The following CDH4 variants were observed in gnomAD, a reference collection of about 807,000 sequenced individuals.
CDH4 encodes the protein cadherin-4.
A neutral mutation model predicts 86.0 loss-of-function variants in CDH4; 33 were observed. That is an observed-to-expected ratio of 0.38 (90% confidence interval 0.29 to 0.51). CDH4 has a LOEUF of 0.51. CDH4 is among the 20% of genes least tolerant of loss of function. CDH4 has a pLI of 0.86. For missense variants in CDH4, 1,114 were observed against 1,307.4 expected, an observed-to-expected ratio of 0.85 and a Z score of 2.28; for synonymous variants, 555 against 549.4, an observed-to-expected ratio of 1.01 and a Z score of -0.14.
chr20:61,840,196 G>A (rs567647985), intron 4 of CDH4, among the ~76,000 whole-genome samples: 2 of 152,154 alleles, frequency 1.3e-5, no homozygotes, highest in South Asian at 4.1e-4. Flanking sequence ...AGACCTTCCC[G>A]ACCGTGCACG....
chr20:61,366,839 G>C (rs1254188342), intron 2 of CDH4, among the ~76,000 whole-genome samples: 1 of 152,246 alleles, frequency 6.6e-6, no homozygotes, highest in Non-Finnish European at 1.5e-5. Context: ...TGGCCAGTTT[G>C]GGGGCCAGTT....
intron 2 of CDH4, among the ~76,000 whole-genome samples, chr20:61,532,255 T>G (rs185653822): frequency 1.3e-5 from 2 of 152,360 alleles, no homozygotes; most frequent in Admixed American, 1.3e-4. Flanking sequence ...TTTTTCTCTC[T>G]GTCCCCTGCC....
At chr20:61,930,813 G>T (rs1198461367) in intron 13 of CDH4, among the ~76,000 whole-genome samples, 1 of 152,240 alleles carries the variant, frequency 6.6e-6, no homozygotes. Flanking sequence ...CACAGAGGTT[G>T]GGAGGTGTCT....
intron 2 of CDH4, among the ~76,000 whole-genome samples, chr20:61,592,809 C>A (rs577169784): frequency 1.1e-4 from 17 of 152,158 alleles, no homozygotes; most frequent in Admixed American, 3.3e-4. Context: ...GTTTTTATTG[C>A]AGAATCACTT....
rs529924250 is a variant in CDH4, at chr20:61,711,407, G to A, written c.170-32156G>A. On this transcript the variant is annotated intron_variant, in intron 2 of 15. Transcript: ENST00000614565. ...ACTAATACAGAAGGCTTGCAGGCTAGCCAAGTAGTTGGCAGGCCTGGCTCC... is the reference window on the plus strand; with the variant it reads ...ACTAATACAGAAGGCTTGCAGGCTAACCAAGTAGTTGGCAGGCCTGGCTCC... Among the ~76,000 whole-genome samples the A allele has an allele frequency of 3.0e-3, 453 of 152,306 alleles. 3 individuals carry two copies. The highest frequency in any genetic ancestry group is 0.011 in the African/African-American group (441 of 41,562).
intron 2 of CDH4, among the ~76,000 whole-genome samples, chr20:61,640,751 C>T (rs1265371653): frequency 1.3e-5 from 2 of 152,200 alleles, no homozygotes; most frequent in Non-Finnish European, 2.9e-5. Flanking sequence ...ATTCTGCTTT[C>T]ATCACCCAGC....
intron 2 of CDH4, among the ~76,000 whole-genome samples, chr20:61,575,067 C>T (rs1421221760): frequency 6.6e-6 from 1 of 152,200 alleles, no homozygotes; most frequent in Admixed American, 6.5e-5. Flanking sequence ...GCAGGTAGAG[C>T]TCTTTCATCT....
intron 7 of CDH4, among the ~76,000 whole-genome samples, chr20:61,879,000 G>A (rs927904581): frequency 3.9e-5 from 6 of 152,218 alleles, no homozygotes; most frequent in African/African-American, 7.2e-5. Flanking sequence ...AATTATAACC[G>A]CTTCTGCAGC....
chr20:61,259,130 C>G (rs925696256), intron 2 of CDH4, among the ~76,000 whole-genome samples: 1 of 152,148 alleles, frequency 6.6e-6, no homozygotes, highest in Admixed American at 6.5e-5. Flanking sequence ...GTGCTGTACC[C>G]GAAGCAGAGT....
chr20:61,892,195 T>C (rs1004683577), intron 7 of CDH4, among the ~76,000 whole-genome samples: 1 of 152,198 alleles, frequency 6.6e-6, no homozygotes, highest in African/African-American at 2.4e-5. Flanking sequence ...TGTGATGCAC[T>C]TAAAGCCCGT....
At chr20:61,626,751 C>T (rs1341245690) in intron 2 of CDH4, among the ~76,000 whole-genome samples, 2 of 152,206 alleles carry the variant, frequency 1.3e-5, no homozygotes, top group African/African-American at 4.8e-5. Context: ...TAACTTGTCA[C>T]CTCCACCTAT....
intron 2 of CDH4, among the ~76,000 whole-genome samples, chr20:61,577,252 ATGTGTATTGAAGGATGTGTGGATATT>A (rs1169294836): frequency 1.1e-4 from 16 of 145,350 alleles, no homozygotes; most frequent in African/African-American, 3.4e-4. Flanking sequence ...GGTTGAGTGT[ATGTGTATTGAAGGATGTGTGGATATT>A]TGTGTATTGA....
At chr20:61,512,288 T>C (rs2085785919) in intron 2 of CDH4, among the ~76,000 whole-genome samples, 1 of 152,134 alleles carries the variant, frequency 6.6e-6, no homozygotes, top group African/African-American at 2.4e-5. Context: ...GGAGTGTGTA[T>C]GTGAGTGTGG....
chr20:61,893,385 A>AGGGGTGGGTGGATAGATGGATGGG (rs1984935098), intron 7 of CDH4, among the ~76,000 whole-genome samples: 1 of 94,744 alleles, frequency 1.1e-5, no homozygotes, highest in Non-Finnish European at 2.2e-5. Context: ...AAATGGATGG[A>AGGGGTGGGTGGATAGATGGATGGG]TGGGTGAATA....
At chr20:61,916,681 A>G (rs914419602) in intron 9 of CDH4, among the ~76,000 whole-genome samples, 3 of 152,202 alleles carry the variant, frequency 2.0e-5, no homozygotes. Flanking sequence ...AGCAGGCACC[A>G]TATCATGTAT....
At chr20:61,889,181 G>C (rs1382784368) in intron 7 of CDH4, among the ~76,000 whole-genome samples, 1 of 152,182 alleles carries the variant, frequency 6.6e-6, no homozygotes, top group African/African-American at 2.4e-5. Context: ...CACTTCCGTA[G>C]AAGCCTCTCT....
At chr20:61,565,228 T>TCGTGGTCCTCTTGGTGATGG (rs199958206) in intron 2 of CDH4, among the ~76,000 whole-genome samples, 1 of 29,258 alleles carries the variant, frequency 3.4e-5, no homozygotes, top group Non-Finnish European at 7.6e-5. Context: ...TGGTAGGTGG[T>TCGTGGTCCTCTTGGTGATGG]GGTGGTGGTG....
rs147428343 is a variant in CDH4 at position 61,800,239 on chromosome 20, G to A, written c.576+27057G>A. On this transcript the variant is annotated intron_variant, in intron 4 of 15. Coordinates refer to ENST00000614565, the MANE Select transcript of CDH4 (RefSeq NM_001794.5). ...CCCGAAGACCAGACCGCACTCCCTC[G>A]AGTGCACACACGGTGCTTCTGGGAA... 2.4e-3 allele frequency among the ~76,000 whole-genome samples: 362 copies of A among 152,326 alleles called. 4 individuals are homozygous for A. The highest frequency in any genetic ancestry group is 8.0e-3 in the African/African-American group (331 of 41,570).
intron 4 of CDH4, among the ~76,000 whole-genome samples, chr20:61,819,200 C>T (rs774188862): frequency 7.9e-5 from 12 of 152,344 alleles, no homozygotes; most frequent in Middle Eastern, 3.4e-3. Flanking sequence ...GACAGCCCCA[C>T]GGCCAGGCCC....
Sources: gnomAD v4.1 joint callset for allele counts (sites outside exome capture counted in the v4.1 genomes callset) on GRCh38, gnomAD v4.1.1 for gene constraint, MANE v1.5 for transcripts, NCBI Gene and HGNC (gene_info 2026-07-23, HGNC 2026-07-21) for gene names.